FBXO15: variants seen among roughly 807,000 people sequenced by gnomAD.
The protein encoded by FBXO15 is F-box only protein 15.
In FBXO15, 30 loss-of-function variants were observed where a neutral mutation model predicts 49.5. The ratio of observed to expected loss-of-function variants is 0.61; its 90% confidence interval spans 0.45 to 0.82. The LOEUF (loss-of-function observed/expected upper bound fraction) is 0.82, where lower values mean the gene tolerates loss of function less well. Among genes scored for constraint, FBXO15 ranks in the 40% least tolerant of loss-of-function variants. The probability of loss-of-function intolerance (pLI) is 0.00; values close to 1 mark genes in which losing one functional copy is unlikely to be tolerated. For missense variants in FBXO15, 591 were observed against 631.5 expected, an observed-to-expected ratio of 0.94 and a Z score of 0.69; for synonymous variants, 250 against 232.7, an observed-to-expected ratio of 1.07 and a Z score of -0.68.
intron 5 of FBXO15, among the ~76,000 whole-genome samples, chr18:74,128,275 G>A (rs908376805): frequency 1.3e-5 from 2 of 151,694 alleles, no homozygotes; most frequent in Admixed American, 6.6e-5. Flanking sequence ...CTAAAACAAT[G>A]CTCAAAGAGC....
intron 3 of FBXO15, among the ~76,000 whole-genome samples, chr18:74,131,166 G>A (rs906207671): frequency 6.6e-6 from 1 of 152,176 alleles, no homozygotes; most frequent in Non-Finnish European, 1.5e-5. Context: ...GAGAAAAAAA[G>A]TGAAGGTTTT....
At chr18:74,132,874 G>C (rs1978481252) in intron 3 of FBXO15, among the ~76,000 whole-genome samples, 1 of 152,074 alleles carries the variant, frequency 6.6e-6, no homozygotes, top group African/African-American at 2.4e-5. Flanking sequence ...ACACACCCCT[G>C]TTTTTCTCAC....
At chr18:74,094,480 C>T (rs1435687144) in intron 8 of FBXO15, among the ~76,000 whole-genome samples, 1 of 152,188 alleles carries the variant, frequency 6.6e-6, no homozygotes, top group Non-Finnish European at 1.5e-5. Context: ...GCCTACAGAA[C>T]CTCGAGCCAA....
At position 74,098,980 on chromosome 18, in the gene FBXO15, C is replaced by G. The variant is rs1844851336; in HGVS notation, c.1139-16929G>C. 2.0e-5 allele frequency: 3 copies of G among 152,306 alleles called. No homozygotes were observed. The South Asian group carries it at 6.2e-4, about 32-fold the overall frequency. The allele number at this position is 152,306 out of a possible 1,614,324, so 9.4% of individuals were successfully genotyped here. On this transcript the variant is annotated intron_variant, in intron 8 of 9. Transcript: ENST00000419743. Reference sequence around the variant, plus strand: ...TCTATACTAAAAATACAAAAATTAGCTGGGCGTGGTGGCACATGCCTTTAG... The same window carrying G: ...TCTATACTAAAAATACAAAAATTAGGTGGGCGTGGTGGCACATGCCTTTAG...
chr18:74,139,234 T>A (rs1254903501), intron 2 of FBXO15, among the ~76,000 whole-genome samples: 1 of 152,188 alleles, frequency 6.6e-6, no homozygotes, highest in Non-Finnish European at 1.5e-5. Flanking sequence ...CTTACTGTAT[T>A]TTAAATCTGC....
chr18:74,120,207 A>G (rs1195769015), intron 8 of FBXO15, among the ~76,000 whole-genome samples: 1 of 152,216 alleles, frequency 6.6e-6, no homozygotes, highest in Admixed American at 6.5e-5. Flanking sequence ...CACATGGCAA[A>G]AACTGATAAA....
intron 8 of FBXO15, among the ~76,000 whole-genome samples, chr18:74,104,514 CTATATGCT>C: frequency 6.6e-6 from 1 of 152,048 alleles, no homozygotes; most frequent in Non-Finnish European, 1.5e-5. Flanking sequence ...TAGAATCTAA[CTATATGCT>C]GCCTACAAGA....
chr18:74,084,896 G>C (rs1418308347), intron 8 of FBXO15, among the ~76,000 whole-genome samples: 1 of 152,048 alleles, frequency 6.6e-6, no homozygotes, highest in Non-Finnish European at 1.5e-5. Context: ...TTAACATTAT[G>C]CAGTAGTTGA....
intron 8 of FBXO15, among the ~76,000 whole-genome samples, chr18:74,086,082 G>C (rs1237819804): frequency 3.3e-5 from 5 of 152,076 alleles, no homozygotes; most frequent in Non-Finnish European, 2.9e-5. Context: ...ACTCAGAAAG[G>C]AGTATACTGT....
At position 74,129,584 on chromosome 18, in the gene FBXO15, C is replaced by T. The variant is rs977352310; in HGVS notation, c.606G>A (p.Leu202=). 9 of 1,611,252 alleles carry T rather than the reference C, an allele frequency of 5.6e-6. No individual in the cohort carries two copies. Among genetic ancestry groups the T allele is most frequent in the Non-Finnish European group, 7.6e-6 (9 of 1,179,566 alleles). ...RIFGLGWAII[L]KEKGGKEYIM... is the part of the protein sequence containing the mutation. Reference sequence around the variant, plus strand: ...TATATTCTTTTCCACCTTTTTCTTTCAGTATAATTGCCCAACCTAAACCAA... The same window carrying T: ...TATATTCTTTTCCACCTTTTTCTTTTAGTATAATTGCCCAACCTAAACCAA... Residue 202 remains leucine, a synonymous_variant, in exon 5 of 10, where the codon CTG becomes CTA. Coordinates refer to ENST00000419743, the MANE Select transcript of FBXO15 (RefSeq NM_001142958.2).
chr18:74,147,778 G>C lies in FBXO15; in HGVS notation c.8C>G (p.Thr3Ser). Residue 3 changes from threonine (T) to serine (S), a missense_variant, in exon 1 of 10, where the codon ACT becomes AGT. Thr to Ser is a moderately conservative substitution (Grantham distance 58, BLOSUM62 1). Coordinates refer to ENST00000419743, the MANE Select transcript of FBXO15 (RefSeq NM_001142958.2). ...CTGCTGCAAGATCCGACCGCGTCCA[G>C]TCGCCATAGAGACAAGGAGTTCACC... MA[T>S]GRGRILQQHW... 2 of 1,534,396 alleles carry C rather than the reference G, an allele frequency of 1.3e-6. No homozygotes were observed. The highest frequency in any genetic ancestry group is 1.4e-5 in the African/African-American group (1 of 71,916).
intron 2 of FBXO15, among the ~76,000 whole-genome samples, chr18:74,138,174 C>T (rs1454471183): frequency 6.6e-6 from 1 of 152,146 alleles, no homozygotes; most frequent in Admixed American, 6.5e-5. Context: ...TAGGCTCCCT[C>T]GCACTGCCAA....
At chr18:74,120,571 C>T (rs1308655610) in intron 8 of FBXO15, among the ~76,000 whole-genome samples, 3 of 152,038 alleles carry the variant, frequency 2.0e-5, no homozygotes, top group African/African-American at 7.3e-5. Context: ...TTCTATCTAA[C>T]CCATATATCA....
chr18:74,142,163 T>C lies in FBXO15; in HGVS notation c.117-1851A>G, dbSNP rs115135086. ...TGGTCTTATATGACTTTCTAGCCAA[T>C]GGTTTTCAATCTGTGCTCTGCAGGG... On this transcript the variant is annotated intron_variant, in intron 1 of 9. Coordinates refer to ENST00000419743, the MANE Select transcript of FBXO15 (RefSeq NM_001142958.2). 3.3e-3 allele frequency among the ~76,000 whole-genome samples: 504 copies of C among 152,294 alleles called. 2 individuals carry two copies. Among genetic ancestry groups the C allele is most frequent in the African/African-American group, 0.012 (482 of 41,556 alleles).
At chr18:74,118,378 C>T (rs766093765) in intron 8 of FBXO15, among the ~76,000 whole-genome samples, 8 of 139,652 alleles carry the variant, frequency 5.7e-5, no homozygotes, top group African/African-American at 1.4e-4. Context: ...TTCCCCTTGA[C>T]GATTTTATGA....
Position 74,147,537 on chromosome 18 carries a change from A to G in FBXO15, c.116+133T>C, listed in dbSNP as rs1979515790. ...AAGGATTTCCTCCGGTCGTTCTTCC[A>G]TACCCTTCTCACGTTGAAGACGGCC... On this transcript the variant is annotated intron_variant, in intron 1 of 9. Coordinates refer to ENST00000419743, the MANE Select transcript of FBXO15 (RefSeq NM_001142958.2). 15 of 1,283,694 alleles carry G rather than the reference A, an allele frequency of 1.2e-5. No individual in the cohort carries two copies. In the South Asian group the frequency reaches 3.2e-4, roughly 28 times the overall value. 79.5% of individuals were successfully genotyped at this position (1,283,694 alleles called of 1,614,324 possible). A position where few individuals can be genotyped will look rare whatever the true frequency, so the allele number is the denominator to read the frequency against.
At chr18:74,115,008 A>T (rs1914168155) in intron 8 of FBXO15, among the ~76,000 whole-genome samples, 1 of 152,190 alleles carries the variant, frequency 6.6e-6, no homozygotes, top group African/African-American at 2.4e-5. Context: ...CTTCTTACTG[A>T]GGGAGATAAT....
chr18:74,121,822 G>A (rs1036295376), intron 8 of FBXO15, among the ~76,000 whole-genome samples: 3 of 152,212 alleles, frequency 2.0e-5, no homozygotes, highest in Non-Finnish European at 4.4e-5. Context: ...CACAGGAGAT[G>A]ACTAGTGCCT....
chr18:74,074,357 A>T lies in FBXO15; in HGVS notation c.1264-627T>A, dbSNP rs539350283. Among the ~76,000 whole-genome samples the T allele has an allele frequency of 2.0e-4, 30 of 152,136 alleles. No homozygotes were observed. The highest frequency in any genetic ancestry group is 4.0e-4 in the Non-Finnish European group (27 of 68,028). ...TCTTCCAAGTCTCACTGTCATCCCA[A>T]GTGATCCCAACATCCGTGGGGACCC... On this transcript the variant is annotated intron_variant, in intron 9 of 9. Transcript: ENST00000419743. The surrounding 1 kb of genome is among the most constrained non-coding windows in gnomAD (Gnocchi z 4.7).
Sources: gnomAD v4.1 joint callset for allele counts (sites outside exome capture counted in the v4.1 genomes callset) on GRCh38, gnomAD v4.1.1 for gene constraint, Gnocchi (gnomAD v3.1) non-coding constraint, MANE v1.5 for transcripts, NCBI Gene and HGNC (gene_info 2026-07-23, HGNC 2026-07-21) for gene names.